RNF115: variants seen among roughly 807,000 people sequenced by gnomAD.
RNF115 encodes the protein E3 ubiquitin-protein ligase RNF115.
RNF115 carries 31 observed loss-of-function variants against 39.2 expected under a neutral mutation model. The ratio of observed to expected loss-of-function variants is 0.79; its 90% CI spans 0.59 to 1.07. The LOEUF is 1.07. Ranked by LOEUF, RNF115 falls within the 50% of genes least tolerant of loss-of-function variation. The probability of loss-of-function intolerance (pLI) is 0.00; values close to 1 mark genes in which losing one functional copy is unlikely to be tolerated. For synonymous variants in RNF115, 124 were observed against 131.0 expected (o/e 0.95, Z 0.37); for missense variants, 384 against 381.7 (o/e 1.01, Z -0.05).
At chr1:145,769,620 G>T (rs968767325) in intron 4 of RNF115, among the ~76,000 whole-genome samples, 1 of 151,890 alleles carries the variant, frequency 6.6e-6, no homozygotes, top group Non-Finnish European at 1.5e-5. Flanking sequence ...TAAATAATAG[G>T]TAATTCCTGT....
intron 4 of RNF115, among the ~76,000 whole-genome samples, chr1:145,757,160 C>T (rs1658330269): frequency 6.6e-6 from 1 of 152,092 alleles, no homozygotes; most frequent in Non-Finnish European, 1.5e-5. Context: ...ATAAGACTAT[C>T]AACCGTTGGA....
rs963624000 is a variant in RNF115 at position 145,741,198 on chromosome 1, C to T, written c.*5668G>A. On this transcript the variant is annotated 3_prime_UTR_variant, in exon 9 of 9. Coordinates refer to ENST00000582693, the MANE Select transcript of RNF115 (RefSeq NM_014455.4). Reference sequence around the variant, plus strand: ...TTTCTTATTAGAAAAAGTAAAGAATCACAGGCTTACATCCTATGATCACAG... The same window carrying T: ...TTTCTTATTAGAAAAAGTAAAGAATTACAGGCTTACATCCTATGATCACAG... 16 of 152,124 alleles carry T rather than the reference C, an allele frequency of 1.1e-4. No homozygotes were observed. Among genetic ancestry groups the T allele is most frequent in the African/African-American group, 3.6e-4 (15 of 41,416 alleles). The allele number at this position is 152,124 out of a possible 1,614,324, so 9.4% of individuals were successfully genotyped here. A position where few individuals can be genotyped will look rare whatever the true frequency, so the allele number is the denominator to read the frequency against.
intron 4 of RNF115, among the ~76,000 whole-genome samples, chr1:145,764,735 T>C (rs1327689778): frequency 6.8e-6 from 1 of 146,212 alleles, no homozygotes; most frequent in Non-Finnish European, 1.5e-5. Context: ...CCCGGCCAGC[T>C]GCCCCATCCA....
intron 2 of RNF115, chr1:145,787,018 A>G: frequency 7.1e-6 from 9 of 1,260,662 alleles, no homozygotes; most frequent in Non-Finnish European, 9.4e-6. Context: ...ATACTGTAAA[A>G]TGTGTAGTTT....
intron 4 of RNF115, among the ~76,000 whole-genome samples, chr1:145,757,807 T>G (rs1553713400): frequency 6.6e-6 from 1 of 152,082 alleles, no homozygotes; most frequent in Non-Finnish European, 1.5e-5. Flanking sequence ...ATGTTGGGTG[T>G]GTGATAGGTA....
At chr1:145,791,081 G>A (rs917803294) in intron 1 of RNF115, among the ~76,000 whole-genome samples, 8 of 151,900 alleles carry the variant, frequency 5.3e-5, no homozygotes, top group Non-Finnish European at 7.4e-5. Context: ...GGCAGAGGTC[G>A]CAGTGAGCCC....
At position 145,742,390 on chromosome 1, in the gene RNF115, G is replaced by C. The variant is rs1657717205; in HGVS notation, c.*4476C>G. The C allele has an allele frequency of 6.6e-6, 1 of 152,160 alleles. No homozygotes were observed. The highest frequency in any genetic ancestry group is 2.1e-4 in the South Asian group (1 of 4,808). The allele number at this position is 152,160 out of a possible 1,614,324, so 9.4% of individuals were successfully genotyped here. A position where few individuals can be genotyped will look rare whatever the true frequency, so the allele number is the denominator to read the frequency against. On this transcript the variant is annotated 3_prime_UTR_variant, in exon 9 of 9. Coordinates refer to ENST00000582693, the MANE Select transcript of RNF115 (RefSeq NM_014455.4). ...AACTGATTATAATATAGAAGCAACG[G>C]ATAATGAACACCCTTTCCTCAAAGT...
intron 1 of RNF115, among the ~76,000 whole-genome samples, chr1:145,792,283 G>A (rs1648711083): frequency 6.6e-6 from 1 of 152,058 alleles, no homozygotes; most frequent in South Asian, 2.1e-4. Context: ...GATGATGTAA[G>A]CTGTATTTGG....
chr1:145,755,336 T>C (rs1384951981), intron 4 of RNF115, among the ~76,000 whole-genome samples: 2 of 151,912 alleles, frequency 1.3e-5, no homozygotes, highest in African/African-American at 4.8e-5. Flanking sequence ...AGCAGTCCTA[T>C]AGAAAGGTCC....
At chr1:145,756,073 T>G (rs1489954109) in intron 4 of RNF115, among the ~76,000 whole-genome samples, 1 of 152,058 alleles carries the variant, frequency 6.6e-6, no homozygotes, top group East Asian at 1.9e-4. Context: ...GACACTAAAA[T>G]TAAGAGATTT....
chr1:145,743,081 T>C lies in RNF115; in HGVS notation c.*3785A>G, dbSNP rs1657733643. ...CATGTATCATTTCTGTTTTTCCTCA[T>C]TGTGATGGTTAATCTTATGTGTCAA... On this transcript the variant is annotated 3_prime_UTR_variant, in exon 9 of 9. Transcript: ENST00000582693. The C allele has an allele frequency of 6.6e-6, 1 of 152,208 alleles. No homozygotes were observed. The highest frequency in any genetic ancestry group is 2.1e-4 in the South Asian group (1 of 4,824). The allele number at this position is 152,208 out of a possible 1,614,324, so 9.4% of individuals were successfully genotyped here.
At chr1:145,776,823 T>C (rs762056151) in intron 3 of RNF115, among the ~76,000 whole-genome samples, 1 of 152,026 alleles carries the variant, frequency 6.6e-6, no homozygotes, top group African/African-American at 2.4e-5. Flanking sequence ...GCAACAAGAG[T>C]GAAACTCTGT....
At chr1:145,775,855 G>A (rs970509236) in intron 3 of RNF115, among the ~76,000 whole-genome samples, 4 of 151,864 alleles carry the variant, frequency 2.6e-5, no homozygotes, top group Middle Eastern at 3.4e-3. Flanking sequence ...AAAATTAGCC[G>A]GGCATGGTGG....
intron 1 of RNF115, among the ~76,000 whole-genome samples, chr1:145,815,322 C>T (rs587688932): frequency 7.9e-4 from 121 of 152,328 alleles, no homozygotes; most frequent in African/African-American, 2.8e-3. Context: ...AGCCTGAAAG[C>T]GAGCAGTTCT....
At chr1:145,823,267 C>T (rs1303775332) in intron 1 of RNF115, among the ~76,000 whole-genome samples, 1 of 108,944 alleles carries the variant, frequency 9.2e-6, no homozygotes, top group Non-Finnish European at 2.0e-5. Context: ...CTTCCAACCC[C>T]CTTTCTGTGC....
intron 4 of RNF115, among the ~76,000 whole-genome samples, chr1:145,764,608 C>T (rs189810396): frequency 0.022 from 3,386 of 150,722 alleles, 141 homozygotes; most frequent in African/African-American, 0.078. Flanking sequence ...GCCCGGCAGC[C>T]GCCCCGTCTG....
Position 145,746,822 on chromosome 1 carries a change from G to GT in RNF115, c.*43dup. On this transcript the variant is annotated 3_prime_UTR_variant, in exon 9 of 9. Transcript: ENST00000582693. Reference sequence around the variant, plus strand: ...TGTTTTGATACAATTTACAGCTATGGTAAGATGATTACCACAGCCCTGATT... The same window carrying GT: ...TGTTTTGATACAATTTACAGCTATGGTTAAGATGATTACCACAGCCCTGATT... 6.3e-7 allele frequency: 1 copy of GT among 1,595,994 alleles called. No individual in the cohort carries two copies. The highest frequency in any genetic ancestry group is 8.6e-7 in the Non-Finnish European group (1 of 1,168,166).
intron 1 of RNF115, among the ~76,000 whole-genome samples, chr1:145,814,261 A>C (rs1553723115): frequency 6.6e-6 from 1 of 151,640 alleles, no homozygotes; most frequent in African/African-American, 2.4e-5. Flanking sequence ...CTCTGTCTCC[A>C]AAAAAAAGAT....
At chr1:145,800,974 T>C (rs587730418) in intron 1 of RNF115, among the ~76,000 whole-genome samples, 86 of 151,964 alleles carry the variant, frequency 5.7e-4, no homozygotes, top group Non-Finnish European at 9.0e-4. Flanking sequence ...ATCGAGACCA[T>C]CCTGGCTAAC....
Sources: allele counts gnomAD v4.1 joint callset (sites outside exome capture counted in the v4.1 genomes callset), GRCh38; gene constraint gnomAD v4.1.1; transcripts MANE v1.5; gene names NCBI Gene and HGNC (gene_info 2026-07-23, HGNC 2026-07-21).